The following PIEZO2 variants were observed in gnomAD, a reference collection of about 807,000 sequenced individuals.
PIEZO2 encodes piezo-type mechanosensitive ion channel component 2.
PIEZO2 carries 172 observed loss-of-function variants against 337.3 expected under a neutral mutation model. The observed-to-expected ratio is 0.51, with a 90% confidence interval of 0.45 to 0.58. The LOEUF (loss-of-function observed/expected upper bound fraction) is 0.58, where lower values mean the gene tolerates loss of function less well. Ranked by LOEUF, PIEZO2 falls within the 20% of genes least tolerant of loss-of-function variation. The pLI is 0.00. For missense variants in PIEZO2, 3,028 were observed against 3,391.3 expected (o/e 0.89, Z 2.66); for synonymous variants, 1,251 against 1,228.5 (o/e 1.02, Z -0.38).
intron 41 of PIEZO2, 79 bp from the exon 42 acceptor site, chr18:10,704,731 C>G: frequency 1.4e-6 from 2 of 1,468,324 alleles, no homozygotes; most frequent in Non-Finnish European, 1.8e-6. Context: ...GTTGCCCAGG[C>G]TGGAGTGCAA....
At chr18:11,073,310 A>G (rs982507553) in intron 1 of PIEZO2, among the ~76,000 whole-genome samples, 16 of 152,284 alleles carry the variant, frequency 1.1e-4, no homozygotes, top group Non-Finnish European at 1.3e-4. Context: ...CCTCACTTAT[A>G]ATGAACAGAA....
At position 11,127,375 on chromosome 18, in the gene PIEZO2, G is replaced by A; in HGVS notation, c.64+21150C>T. The stretch of plus-strand genomic sequence containing the variant: ...GATACGATGTATTGATCCTGGGTGT[G>A]TCTGGGAGGGTGTTGCCAAAAGAGA... On this transcript the variant is annotated intron_variant, in intron 1 of 55. Transcript: ENST00000674853. The surrounding 1 kb of genome is among the most constrained non-coding windows in gnomAD (Gnocchi z 4.5). 6.6e-6 allele frequency among the ~76,000 whole-genome samples: 1 copy of A among 152,200 alleles called. No individual in the cohort carries two copies. Among genetic ancestry groups the A allele is most frequent in the East Asian group, 1.9e-4 (1 of 5,194 alleles).
chr18:10,792,357 T>C (rs2039435280), intron 13 of PIEZO2, among the ~76,000 whole-genome samples: 1 of 152,208 alleles, frequency 6.6e-6, no homozygotes, highest in Non-Finnish European at 1.5e-5. Context: ...TTCACGGAGT[T>C]GTGCAACCAT....
chr18:11,017,066 C>G (rs1161886978), intron 2 of PIEZO2, among the ~76,000 whole-genome samples: 1 of 152,098 alleles, frequency 6.6e-6, no homozygotes, highest in Non-Finnish European at 1.5e-5. Flanking sequence ...TTCATGCATT[C>G]AAACATCTAA....
intron 4 of PIEZO2, among the ~76,000 whole-genome samples, chr18:10,902,011 G>A (rs1044262792): frequency 1.3e-5 from 2 of 152,014 alleles, no homozygotes; most frequent in Admixed American, 6.6e-5. Flanking sequence ...GTTAAGAGAC[G>A]GGTCACACAG....
chr18:10,995,075 C>A (rs1358550355), intron 2 of PIEZO2, among the ~76,000 whole-genome samples: 3 of 33,412 alleles, frequency 9.0e-5, no homozygotes, highest in Non-Finnish European at 1.2e-4. Context: ...GAGACTCCGT[C>A]TCAAAAAAAA....
In PIEZO2 at chr18:11,023,512, G is replaced by T. The variant is rs376285238; in HGVS notation, c.160+42615C>A. Among the ~76,000 whole-genome samples, 56 of 152,326 alleles carry T rather than the reference G, an allele frequency of 3.7e-4. No homozygotes were observed. The East Asian group carries it at 8.9e-3, about 24-fold the overall frequency. ...TGAGCTAGATATGGAGTGCCGATTGGTGTATTTACAATCCCTTAGCTAGAC... is the reference window on the plus strand; with the variant it reads ...TGAGCTAGATATGGAGTGCCGATTGTTGTATTTACAATCCCTTAGCTAGAC... On this transcript the variant is annotated intron_variant, in intron 2 of 55. Transcript: ENST00000674853.
intron 1 of PIEZO2, among the ~76,000 whole-genome samples, chr18:11,141,520 C>T (rs2040646617): frequency 6.6e-6 from 1 of 152,180 alleles, no homozygotes; most frequent in African/African-American, 2.4e-5. Context: ...AGCCACGCAA[C>T]ACGTATGTGG....
intron 36 of PIEZO2, among the ~76,000 whole-genome samples, chr18:10,719,976 G>T (rs940835880): frequency 2.0e-5 from 3 of 151,966 alleles, no homozygotes; most frequent in African/African-American, 7.3e-5. Flanking sequence ...TTATAATTTG[G>T]TGTTGATGCT....
rs145534179 is a variant in PIEZO2 at position 11,074,134 on chromosome 18, C to T, written c.65-7912G>A. 1.3e-3 allele frequency among the ~76,000 whole-genome samples: 197 copies of T among 152,314 alleles called. 2 individuals are homozygous for T. The East Asian group carries it at 0.025, about 19-fold the overall frequency. On this transcript the variant is annotated intron_variant, in intron 1 of 55. Transcript: ENST00000674853. ...GTGCTAGGATTACAGGCATGAGCCA[C>T]GGTGCCCAGCCAATAACTGCTTCTT...
chr18:10,687,781 G>A (rs912487045), intron 49 of PIEZO2, among the ~76,000 whole-genome samples: 3 of 152,030 alleles, frequency 2.0e-5, no homozygotes, highest in East Asian at 1.9e-4. Context: ...AAGGATGAGC[G>A]AATACATGGA....
In PIEZO2 at chr18:11,038,499, A is replaced by G. The variant is rs757074454; in HGVS notation, c.160+27628T>C. On this transcript the variant is annotated intron_variant, in intron 2 of 55. Transcript: ENST00000674853. This position sits in a 1 kb window ranked among gnomAD's most constrained non-coding sequence, Gnocchi z 4.1. ...ATGCAGTTTCTTGTGCTCATTCATCATTTTCCAACACCCATTGAGATATGG... is the reference window on the plus strand; with the variant it reads ...ATGCAGTTTCTTGTGCTCATTCATCGTTTTCCAACACCCATTGAGATATGG... Among the ~76,000 whole-genome samples, 2 of 152,002 alleles carry G rather than the reference A, an allele frequency of 1.3e-5. No individual in the cohort carries two copies. Among genetic ancestry groups the G allele is most frequent in the Non-Finnish European group, 2.9e-5 (2 of 68,008 alleles).
chr18:10,698,013 G>A (rs891294102), intron 44 of PIEZO2, 133 bp from the exon 45 acceptor site: 3 of 772,238 alleles, frequency 3.9e-6, no homozygotes, highest in Admixed American at 5.0e-5. Context: ...GAGTATGCAC[G>A]GCCTTGGGAT....
chr18:11,071,262 A>C lies in PIEZO2; in HGVS notation c.65-5040T>G, dbSNP rs2038328351. Among the ~76,000 whole-genome samples the C allele has an allele frequency of 5.3e-5, 8 of 152,314 alleles. No homozygotes were observed. The South Asian group carries it at 1.7e-3, about 32-fold the overall frequency. On this transcript the variant is annotated intron_variant, in intron 1 of 55. Transcript: ENST00000674853. ...TGACAGGCAAATATAGGTGATCTGC[A>C]AGAACAAGAACAAGAACACAAGCTC...
At chr18:10,756,820 G>C (rs1338139229) in intron 27 of PIEZO2, among the ~76,000 whole-genome samples, 1 of 149,614 alleles carries the variant, frequency 6.7e-6, no homozygotes, top group Admixed American at 6.7e-5. Flanking sequence ...GAGGAATGGG[G>C]ATAAGGATGA....
chr18:10,900,782 C>T lies in PIEZO2; in HGVS notation c.329+10404G>A, dbSNP rs147186867. Among the ~76,000 whole-genome samples the T allele has an allele frequency of 5.0e-3, 765 of 152,250 alleles. 5 individuals are homozygous for T. Among genetic ancestry groups the T allele is most frequent in the African/African-American group, 0.016 (672 of 41,528 alleles). On this transcript the variant is annotated intron_variant, in intron 4 of 55. Coordinates refer to ENST00000674853, the MANE Select transcript of PIEZO2 (RefSeq NM_001378183.1). The stretch of plus-strand genomic sequence containing the variant: ...ACTCTCATCCAGAATGGAAAATAGA[C>T]GTGCTCCTACTTCTGCCTCCACACA...
chr18:11,025,803 G>A (rs2036519651), intron 2 of PIEZO2, among the ~76,000 whole-genome samples: 1 of 152,198 alleles, frequency 6.6e-6, no homozygotes, highest in East Asian at 1.9e-4. Context: ...TCTCCTGGTT[G>A]AGTGGCTGGG....
rs554413629 is a variant in PIEZO2 at position 11,021,739 on chromosome 18, A to T, written c.161-42079T>A. On this transcript the variant is annotated intron_variant, in intron 2 of 55. Coordinates refer to ENST00000674853, the MANE Select transcript of PIEZO2 (RefSeq NM_001378183.1). This position sits in a 1 kb window ranked among gnomAD's most constrained non-coding sequence, Gnocchi z 4.7. The stretch of plus-strand genomic sequence containing the variant: ...TGCCTTCACAAGTTCATTCTATTCA[A>T]TGTATGAGTCTGAGCACCTGCAGTG... Among the ~76,000 whole-genome samples the T allele has an allele frequency of 6.1e-4, 93 of 152,240 alleles. No homozygotes were observed. The highest frequency in any genetic ancestry group is 2.2e-3 in the African/African-American group (93 of 41,548).
At chr18:10,725,337 C>T (rs769608591) in intron 36 of PIEZO2, 7 of 1,604,412 alleles carry the variant, frequency 4.4e-6, no homozygotes, top group Non-Finnish European at 5.1e-6. Context: ...GGTTGTGGTG[C>T]AGCTGAGTGA....
Sources: allele counts gnomAD v4.1 joint callset (sites outside exome capture counted in the v4.1 genomes callset), GRCh38; gene constraint gnomAD v4.1.1; non-coding constraint Gnocchi (gnomAD v3.1); transcripts MANE v1.5; gene names NCBI Gene and HGNC (gene_info 2026-07-23, HGNC 2026-07-21).